Variants in MEIOB observed in about 807,000 individuals in gnomAD.
The protein encoded by MEIOB is meiosis specific with OB-fold, also known as meiosis-specific with OB domain-containing protein.
In MEIOB, 50 loss-of-function variants were observed where a neutral mutation model predicts 53.1. The observed-to-expected ratio is 0.94, with a 90% CI of 0.75 to 1.19. The LOEUF (loss-of-function observed/expected upper bound fraction) is 1.19. MEIOB is among the 50% of genes most tolerant of loss of function. The pLI, the probability that MEIOB is intolerant of heterozygous loss-of-function variation, is 0.00. For missense variants in MEIOB, 551 were observed against 550.8 expected (o/e 1.00, Z 0.00); for synonymous variants, 192 against 182.5 (o/e 1.05, Z -0.42).
intron 3 of MEIOB, 21 bp from the exon 4 acceptor site, chr16:1,862,137 T>C: frequency 6.5e-7 from 1 of 1,544,612 alleles, no homozygotes; most frequent in Non-Finnish European, 8.7e-7. Context: ...ACCAATGCTT[T>C]TATTTTTCAA....
chr16:1,845,774 G>A (rs1002832296), intron 9 of MEIOB, among the ~76,000 whole-genome samples: 4 of 152,164 alleles, frequency 2.6e-5, no homozygotes, highest in Non-Finnish European at 5.9e-5. Context: ...CAAGGGTCAG[G>A]GGTGCTGTGC....
chr16:1,856,233 G>A (rs1360864328), intron 6 of MEIOB, among the ~76,000 whole-genome samples: 8 of 150,560 alleles, frequency 5.3e-5, no homozygotes, highest in Non-Finnish European at 1.2e-4. Flanking sequence ...TCGGCTCACT[G>A]CAACCTCCAC....
chr16:1,847,752 G>A (rs1043968719), intron 9 of MEIOB, among the ~76,000 whole-genome samples: 6 of 152,114 alleles, frequency 3.9e-5, no homozygotes, highest in African/African-American at 1.2e-4. Context: ...AAAAACGGCT[G>A]TAGACACTAT....
intron 6 of MEIOB, among the ~76,000 whole-genome samples, chr16:1,854,421 G>A (rs1899246794): frequency 6.6e-6 from 1 of 152,254 alleles, no homozygotes; most frequent in African/African-American, 2.4e-5. Flanking sequence ...GAGACACAGG[G>A]AGACAGGTGC....
At chr16:1,835,929 G>C (rs939581925) in intron 13 of MEIOB, among the ~76,000 whole-genome samples, 2 of 148,504 alleles carry the variant, frequency 1.3e-5, no homozygotes, top group African/African-American at 2.5e-5. Flanking sequence ...GTGAGATCTC[G>C]GCTCACTGCA....
At chr16:1,852,217 A>G (rs1289924263) in intron 9 of MEIOB, among the ~76,000 whole-genome samples, 2 of 151,448 alleles carry the variant, frequency 1.3e-5, no homozygotes, top group East Asian at 3.9e-4. Context: ...AAAAATTATC[A>G]CAATGAATTA....
At chr16:1,842,798 G>T (rs908777881) in intron 10 of MEIOB, among the ~76,000 whole-genome samples, 2 of 150,436 alleles carry the variant, frequency 1.3e-5, no homozygotes, top group Non-Finnish European at 3.0e-5. Context: ...CGAGTAGCTG[G>T]CACTACGGGC....
chr16:1,868,390 G>A (rs1480083681), intron 1 of MEIOB, among the ~76,000 whole-genome samples: 1 of 151,982 alleles, frequency 6.6e-6, no homozygotes, highest in Non-Finnish European at 1.5e-5. Context: ...AACCTCACGT[G>A]GTAGCGGGCA....
intron 10 of MEIOB, among the ~76,000 whole-genome samples, chr16:1,844,573 T>C (rs1898986246): frequency 6.6e-6 from 1 of 152,172 alleles, no homozygotes; most frequent in Admixed American, 6.6e-5. Context: ...GGGATTCTCC[T>C]GCCTCAGCCT....
At chr16:1,853,416 T>A (rs1899220633) in intron 7 of MEIOB, 145 bp from the exon 8 acceptor site, 1 of 635,646 alleles carries the variant, frequency 1.6e-6, no homozygotes, top group East Asian at 2.7e-5. Context: ...GTCTTAAGCA[T>A]GCCAGCTTCC....
intron 9 of MEIOB, among the ~76,000 whole-genome samples, chr16:1,850,080 AT>A (rs1306630277): frequency 2.0e-5 from 3 of 152,114 alleles, no homozygotes; most frequent in Non-Finnish European, 2.9e-5. Flanking sequence ...ATACTTTGAC[AT>A]TTTTTTCTTT....
chr16:1,840,208 T>C (rs977077155), intron 11 of MEIOB: 1 of 152,146 alleles, frequency 6.6e-6, no homozygotes, highest in Non-Finnish European at 1.5e-5. Context: ...AGGAAAAAAA[T>C]TAGTTTTTCA....
At chr16:1,856,972 C>A (rs1899324739) in intron 6 of MEIOB, among the ~76,000 whole-genome samples, 1 of 151,990 alleles carries the variant, frequency 6.6e-6, no homozygotes, top group Non-Finnish European at 1.5e-5. Flanking sequence ...CCATGTTGCC[C>A]CAGGCTGGTC....
At chr16:1,871,343 C>T (rs1401140460) in intron 1 of MEIOB, among the ~76,000 whole-genome samples, 1 of 121,318 alleles carries the variant, frequency 8.2e-6, no homozygotes, top group African/African-American at 3.2e-5. Context: ...CCTCAGCCTC[C>T]CGAGTAGCTG....
intron 12 of MEIOB, 155 bp from the exon 13 acceptor site, chr16:1,838,025 C>CGG: frequency 7.3e-7 from 1 of 1,374,036 alleles, no homozygotes; most frequent in East Asian, 2.5e-5. Flanking sequence ...GAGACAGGGT[C>CGG]TCACTCTGTC....
chr16:1,869,995 C>A (rs1899698644), intron 1 of MEIOB, among the ~76,000 whole-genome samples: 1 of 151,832 alleles, frequency 6.6e-6, no homozygotes, highest in African/African-American at 2.4e-5. Context: ...CCTCAGCCTC[C>A]CGAGTAGCTG....
intron 6 of MEIOB, among the ~76,000 whole-genome samples, chr16:1,855,522 C>T (rs1002193319): frequency 3.3e-5 from 5 of 152,138 alleles, no homozygotes; most frequent in Non-Finnish European, 4.4e-5. Context: ...GAAGAAGTGA[C>T]GTGACACATG....
chr16:1,848,303 C>A (rs1284054368), intron 9 of MEIOB, among the ~76,000 whole-genome samples: 2 of 152,152 alleles, frequency 1.3e-5, no homozygotes, highest in African/African-American at 2.4e-5. Flanking sequence ...ATGTGGCTTG[C>A]AGAATACATT....
intron 4 of MEIOB, among the ~76,000 whole-genome samples, chr16:1,860,878 G>A (rs1194258522): frequency 2.0e-5 from 3 of 152,126 alleles, no homozygotes; most frequent in Admixed American, 6.6e-5. Flanking sequence ...GGAGTCAGCT[G>A]CTTGAGACCA....
Sources: gnomAD v4.1 joint callset for allele counts (sites outside exome capture counted in the v4.1 genomes callset) on GRCh38, gnomAD v4.1.1 for gene constraint, MANE v1.5 for transcripts, NCBI Gene and HGNC (gene_info 2026-07-23, HGNC 2026-07-21) for gene names.